Variants in MITF observed in about 807,000 individuals in gnomAD.
MITF encodes melanocyte inducing transcription factor, also known as microphthalmia-associated transcription factor.
MITF carries 17 observed loss-of-function variants against 60.5 expected under a neutral mutation model. That is an observed-to-expected ratio of 0.28 (90% CI 0.19 to 0.42). MITF has a LOEUF of 0.42. MITF is among the 10% of genes least tolerant of loss of function. MITF has a pLI of 1.00. For missense variants in MITF, 622 were observed against 683.5 expected (o/e 0.91, Z 1.00); for synonymous variants, 260 against 248.5 (o/e 1.05, Z -0.43).
intron 2 of MITF, among the ~76,000 whole-genome samples, chr3:69,903,761 G>A (rs1016720581): frequency 1.3e-5 from 2 of 152,094 alleles, no homozygotes; most frequent in African/African-American, 4.8e-5. Flanking sequence ...AGAAATCATA[G>A]CTTCTGACTC....
chr3:69,853,337 A>C (rs748373758), intron 1 of MITF, among the ~76,000 whole-genome samples: 2 of 152,228 alleles, frequency 1.3e-5, no homozygotes, highest in South Asian at 2.1e-4. Flanking sequence ...CAATTATGCC[A>C]AAATTCACTA....
Position 69,847,412 on chromosome 3 carries a change from G to A in MITF, c.105-31722G>A, listed in dbSNP as rs149214666. ...GAGATTGAAAAGGCTGAAAAGTGGC[G>A]TGAAGGCCAGACCTAGTGGTAATGT... On this transcript the variant is annotated intron_variant, in intron 1 of 9. Transcript: ENST00000352241. Among the ~76,000 whole-genome samples, 314 of 152,278 alleles carry A rather than the reference G, an allele frequency of 2.1e-3. 1 individual carries two copies. Among genetic ancestry groups the A allele is most frequent in the Middle Eastern group, 0.014 (4 of 294 alleles).
At chr3:69,787,274 G>A (rs1185219746) in intron 1 of MITF, among the ~76,000 whole-genome samples, 1 of 152,160 alleles carries the variant, frequency 6.6e-6, no homozygotes, top group Admixed American at 6.5e-5. Context: ...CTTCACCAAA[G>A]GAAGTGTGAA....
intron 2 of MITF, among the ~76,000 whole-genome samples, chr3:69,928,623 A>C (rs921548669): frequency 6.6e-6 from 1 of 152,230 alleles, no homozygotes; most frequent in Admixed American, 6.5e-5. Context: ...GTAGGAGTGC[A>C]GTTTGGTATC....
At chr3:69,849,140 A>G (rs913615071) in intron 1 of MITF, among the ~76,000 whole-genome samples, 1 of 150,230 alleles carries the variant, frequency 6.7e-6, no homozygotes, top group Non-Finnish European at 1.5e-5. Context: ...AATTTTTTGT[A>G]TTTTTAGTAG....
intron 1 of MITF, among the ~76,000 whole-genome samples, chr3:69,833,314 A>G (rs562034868): frequency 1.3e-5 from 2 of 152,108 alleles, no homozygotes; most frequent in African/African-American, 2.4e-5. Context: ...TTCCCTGTTT[A>G]CACTGTATGT....
chr3:69,839,596 C>G (rs1452007325), intron 1 of MITF, among the ~76,000 whole-genome samples: 1 of 151,984 alleles, frequency 6.6e-6, no homozygotes, highest in Non-Finnish European at 1.5e-5. Flanking sequence ...GCTGTCCTAC[C>G]CACTTCGTTT....
chr3:69,755,433 GTTTTTTTTTTTTTTTTTTTTTTTT>G (rs542141862), intron 1 of MITF, among the ~76,000 whole-genome samples: 670 of 35,468 alleles, frequency 0.019, 15 homozygotes, highest in Non-Finnish European at 0.024. Flanking sequence ...ACCCTTCTGG[GTTTTTTTTTTTTTTTTTTTTTTTT>G]TTTTTTTTTT....
Position 69,848,541 on chromosome 3 carries a change from G to A in MITF, c.105-30593G>A, listed in dbSNP as rs138052165. On this transcript the variant is annotated intron_variant, in intron 1 of 9. Coordinates refer to ENST00000352241, the MANE Select transcript of MITF (RefSeq NM_001354604.2). ...ACCACAGGAAGAATTTAAAATAAAT[G>A]ATTACTGAAAACACAATGAAGAAGA... Among the ~76,000 whole-genome samples, 9 of 152,262 alleles carry A rather than the reference G, an allele frequency of 5.9e-5. No individual in the cohort carries two copies. In the East Asian group the frequency reaches 1.7e-3, roughly 29 times the overall value.
At chr3:69,882,674 T>C (rs1048375039) in intron 2 of MITF, among the ~76,000 whole-genome samples, 1 of 152,202 alleles carries the variant, frequency 6.6e-6, no homozygotes, top group Non-Finnish European at 1.5e-5. Flanking sequence ...TGTAGCTTTT[T>C]TCAAACAAAA....
intron 1 of MITF, among the ~76,000 whole-genome samples, chr3:69,850,048 G>A (rs1335343033): frequency 3.3e-5 from 5 of 152,130 alleles, no homozygotes. Context: ...GAAGTCTGTA[G>A]TTTTCATATG....
intron 2 of MITF, among the ~76,000 whole-genome samples, chr3:69,883,290 T>C (rs28754428): frequency 0.025 from 3,861 of 152,278 alleles, 150 homozygotes; most frequent in African/African-American, 0.085. Flanking sequence ...TTCTGGGACC[T>C]TCTACATTGT....
At chr3:69,893,968 T>C (rs2064816583) in intron 2 of MITF, among the ~76,000 whole-genome samples, 1 of 152,154 alleles carries the variant, frequency 6.6e-6, no homozygotes. Flanking sequence ...CTGTGGAAAG[T>C]GGTAAAAATT....
rs546175299 is a variant in MITF, at chr3:69,965,695, C to A, written c.*447C>A. 36 of 246,806 alleles carry A rather than the reference C, an allele frequency of 1.5e-4. 1 individual carries two copies. In the South Asian group the frequency reaches 2.9e-3, roughly 20 times the overall value. 15.3% of individuals were successfully genotyped at this position (246,806 alleles called of 1,614,324 possible). On this transcript the variant is annotated 3_prime_UTR_variant, in exon 10 of 10. Coordinates refer to ENST00000352241, the MANE Select transcript of MITF (RefSeq NM_001354604.2). ...AAAGAGGAAAAGAAATCCATACTAA[C>A]CCTTTTCCATTTTATAAATGTATTG...
At chr3:69,776,382 A>G (rs950364552) in intron 1 of MITF, among the ~76,000 whole-genome samples, 4 of 152,192 alleles carry the variant, frequency 2.6e-5, no homozygotes, top group African/African-American at 9.6e-5. Flanking sequence ...CAGACTCTGG[A>G]GGGCCTGGCT....
chr3:69,905,773 G>T (rs2065085988), intron 2 of MITF, among the ~76,000 whole-genome samples: 1 of 151,886 alleles, frequency 6.6e-6, no homozygotes, highest in African/African-American at 2.4e-5. Flanking sequence ...CTTCTCATGG[G>T]CTTATTTGCC....
chr3:69,814,123 T>TA (rs916320270), intron 1 of MITF, among the ~76,000 whole-genome samples: 81 of 142,982 alleles, frequency 5.7e-4, no homozygotes, highest in Middle Eastern at 3.6e-3. Flanking sequence ...TTCCTGTTTA[T>TA]AAAAAAAAAA....
chr3:69,825,484 A>C (rs1413272621), intron 1 of MITF, among the ~76,000 whole-genome samples: 1 of 152,180 alleles, frequency 6.6e-6, no homozygotes, highest in Non-Finnish European at 1.5e-5. Flanking sequence ...AAGGCTGCTG[A>C]GGGGACCTAG....
chr3:69,879,380 T>G lies in MITF; in HGVS notation c.351T>G (p.Leu117=). ...CCACGCAGGTGCCGATGGAAGTCCT[T>G]AAGGTACGTGAGTGTTGCTCTTGTT... ...PSATQVPMEV[L]KVQTHLENPT... The change falls in exon 2 of 10, where the codon CTT becomes CTG. Residue 117 remains leucine (L), a synonymous_variant. Coordinates refer to ENST00000352241, the MANE Select transcript of MITF (RefSeq NM_001354604.2). 1.2e-6 allele frequency: 2 copies of G among 1,614,210 alleles called. No homozygotes were observed. The highest frequency in any genetic ancestry group is 1.7e-6 in the Non-Finnish European group (2 of 1,180,036).
Sources: allele counts gnomAD v4.1 joint callset (sites outside exome capture counted in the v4.1 genomes callset), GRCh38; gene constraint gnomAD v4.1.1; transcripts MANE v1.5; gene names NCBI Gene and HGNC (gene_info 2026-07-23, HGNC 2026-07-21).